ROBO1: variants seen among roughly 807,000 people sequenced by gnomAD.
The protein encoded by ROBO1 is roundabout homolog 1.
A neutral mutation model predicts 195.9 loss-of-function variants in ROBO1; 149 were observed. The observed-to-expected ratio is 0.76, with a 90% confidence interval of 0.67 to 0.87. The LOEUF (loss-of-function observed/expected upper bound fraction) is 0.87. ROBO1 is among the 40% of genes least tolerant of loss of function. ROBO1 has a pLI of 0.00. For synonymous variants in ROBO1, 816 were observed against 733.2 expected (o/e 1.11, Z -1.82); for missense variants, 1,933 against 2,068.3 (o/e 0.93, Z 1.27).
At chr3:79,033,759 A>G (rs896780158) in intron 3 of ROBO1, among the ~76,000 whole-genome samples, 1 of 152,086 alleles carries the variant, frequency 6.6e-6, no homozygotes, top group African/African-American at 2.4e-5. Context: ...TGAATTTGTG[A>G]TTTATTTTAT....
At chr3:79,295,186 C>A (rs1252478482) in intron 2 of ROBO1, among the ~76,000 whole-genome samples, 1 of 152,068 alleles carries the variant, frequency 6.6e-6, no homozygotes, top group Non-Finnish European at 1.5e-5. Context: ...TAGCAAATAC[C>A]TGGAACCAAC....
intron 2 of ROBO1, among the ~76,000 whole-genome samples, chr3:79,136,812 G>C (rs1392813027): frequency 6.6e-6 from 1 of 151,984 alleles, no homozygotes. Flanking sequence ...AGAAATATAA[G>C]TTATGTTATA....
intron 1 of ROBO1, among the ~76,000 whole-genome samples, chr3:79,595,412 G>T (rs1052852318): frequency 6.6e-6 from 1 of 151,968 alleles, no homozygotes; most frequent in Non-Finnish European, 1.5e-5. Context: ...AAATTTATCA[G>T]TGCACGACAC....
At chr3:79,086,161 C>A (rs1576656559) in intron 3 of ROBO1, among the ~76,000 whole-genome samples, 3 of 149,158 alleles carry the variant, frequency 2.0e-5, no homozygotes, top group South Asian at 2.1e-4. Flanking sequence ...GTACAGAGGA[C>A]AATAATATTG....
intron 3 of ROBO1, among the ~76,000 whole-genome samples, chr3:79,085,867 GATTA>G (rs2079359995): frequency 6.6e-6 from 1 of 152,076 alleles, no homozygotes; most frequent in Non-Finnish European, 1.5e-5. Context: ...TCAGCAAATT[GATTA>G]ATTAATCTTA....
intron 2 of ROBO1, among the ~76,000 whole-genome samples, chr3:79,578,671 T>C (rs937807386): frequency 2.0e-5 from 3 of 152,160 alleles, no homozygotes; most frequent in African/African-American, 7.2e-5. Context: ...AAAAAATGTA[T>C]ACAGCTGCCT....
intron 2 of ROBO1, among the ~76,000 whole-genome samples, chr3:79,210,665 C>T (rs1041110240): frequency 2.0e-5 from 3 of 152,076 alleles, no homozygotes; most frequent in Non-Finnish European, 4.4e-5. Flanking sequence ...CAAAAGGACA[C>T]CTTCTGATTG....
At chr3:78,677,086 G>A (rs1037369097) in intron 10 of ROBO1, among the ~76,000 whole-genome samples, 1 of 152,156 alleles carries the variant, frequency 6.6e-6, no homozygotes, top group Non-Finnish European at 1.5e-5. Flanking sequence ...AGCTTCATAA[G>A]TGAAGGAGTA....
At chr3:79,043,679 A>G (rs2108341149) in intron 3 of ROBO1, among the ~76,000 whole-genome samples, 1 of 152,260 alleles carries the variant, frequency 6.6e-6, no homozygotes, top group East Asian at 1.9e-4. Flanking sequence ...CCACATCATT[A>G]TGCTAGATTT....
intron 8 of ROBO1, chr3:78,693,444 C>T (rs918229017): frequency 1.1e-6 from 1 of 951,536 alleles, no homozygotes; most frequent in Non-Finnish European, 1.6e-6. Context: ...TTTGACTTAA[C>T]AATGATTCTT....
At chr3:79,559,719 C>T (rs1007417060) in intron 2 of ROBO1, among the ~76,000 whole-genome samples, 1 of 151,988 alleles carries the variant, frequency 6.6e-6, no homozygotes, top group Non-Finnish European at 1.5e-5. Flanking sequence ...GATTTCGAGA[C>T]CAGCCTGACT....
At chr3:79,458,043 G>C (rs530468102) in intron 2 of ROBO1, among the ~76,000 whole-genome samples, 1 of 152,054 alleles carries the variant, frequency 6.6e-6, no homozygotes, top group East Asian at 1.9e-4. Flanking sequence ...AAAGAAAGCA[G>C]CTTAATGATT....
At chr3:79,111,666 A>G (rs763703668) in intron 3 of ROBO1, among the ~76,000 whole-genome samples, 6 of 152,170 alleles carry the variant, frequency 3.9e-5, no homozygotes, top group Non-Finnish European at 8.8e-5. Flanking sequence ...AGAAACCTGG[A>G]CAATATCTAC....
At chr3:79,360,138 G>T (rs573524438) in intron 2 of ROBO1, among the ~76,000 whole-genome samples, 262 of 152,112 alleles carry the variant, frequency 1.7e-3, no homozygotes, top group African/African-American at 6.0e-3. Context: ...CTTTAGCAAG[G>T]TTTAATTACT....
chr3:79,093,934 C>T (rs75637809), intron 3 of ROBO1, among the ~76,000 whole-genome samples: 1,662 of 151,966 alleles, frequency 0.011, 80 homozygotes, highest in East Asian at 0.1. Flanking sequence ...CTTCCTGTGC[C>T]CTTGAAATTA....
intron 2 of ROBO1, among the ~76,000 whole-genome samples, chr3:79,242,648 A>G (rs1000645252): frequency 1.3e-5 from 2 of 152,138 alleles, no homozygotes; most frequent in Non-Finnish European, 2.9e-5. Flanking sequence ...TACATTCACC[A>G]TCTATAACTT....
At chr3:79,742,628 A>T (rs959470398) in intron 1 of ROBO1, among the ~76,000 whole-genome samples, 4 of 152,186 alleles carry the variant, frequency 2.6e-5, no homozygotes, top group Non-Finnish European at 4.4e-5. Flanking sequence ...TATGGCATGC[A>T]GTACTGAGTC....
At position 79,557,730 on chromosome 3, in the gene ROBO1, T is replaced by TAAAAAA. The variant is rs368317896; in HGVS notation, c.88+32093_88+32094insTTTTTT. Among the ~76,000 whole-genome samples the TAAAAAA allele has an allele frequency of 8.4e-3, 917 of 109,636 alleles. 71 individuals are homozygous for TAAAAAA. Among genetic ancestry groups the TAAAAAA allele is most frequent in the African/African-American group, 0.038 (858 of 22,294 alleles). 71.9% of individuals were successfully genotyped at this position (109,636 alleles called of 152,430 possible). On this transcript the variant is annotated intron_variant, in intron 2 of 30. Transcript: ENST00000464233. Reference sequence around the variant, plus strand: ...CCTGGGCAACAGAGCGAGACTGTCTTAAAACAAAAAAAAATATATATATAT... The same window carrying TAAAAAA: ...CCTGGGCAACAGAGCGAGACTGTCTTAAAAAAAAAACAAAAAAAAATATATATATAT...
chr3:79,596,956 T>C (rs1365174672), intron 1 of ROBO1, among the ~76,000 whole-genome samples: 2 of 151,976 alleles, frequency 1.3e-5, no homozygotes, highest in African/African-American at 4.8e-5. Flanking sequence ...ACAAGTCTAA[T>C]TGGTGGAGAA....
Sources: gnomAD v4.1 joint callset for allele counts (sites outside exome capture counted in the v4.1 genomes callset) on GRCh38, gnomAD v4.1.1 for gene constraint, MANE v1.5 for transcripts, NCBI Gene and HGNC (gene_info 2026-07-23, HGNC 2026-07-21) for gene names.